Variants in ATP8A1 observed in about 807,000 individuals in gnomAD.
The protein encoded by ATP8A1 is ATPase phospholipid transporting 8A1, also known as phospholipid-transporting ATPase IA.
Under a neutral mutation model 177.7 loss-of-function variants are expected in ATP8A1, and 90 were observed. The ratio of observed to expected loss-of-function variants is 0.51; its 90% CI spans 0.43 to 0.60. ATP8A1 has a LOEUF of 0.60. Ranked by LOEUF, ATP8A1 falls within the 20% of genes least tolerant of loss-of-function variation. ATP8A1 has a pLI of 0.00. For synonymous variants in ATP8A1, 493 were observed against 485.9 expected (o/e 1.01, Z -0.19); for missense variants, 1,072 against 1,392.8 (o/e 0.77, Z 3.67).
intron 1 of ATP8A1, among the ~76,000 whole-genome samples, chr4:42,633,097 A>G (rs1205836128): frequency 6.6e-6 from 1 of 152,200 alleles, no homozygotes; most frequent in African/African-American, 2.4e-5. Context: ...CTCAGTCACG[A>G]AGTGAAATGG....
chr4:42,468,109 A>C (rs1719987790), intron 25 of ATP8A1, among the ~76,000 whole-genome samples: 1 of 152,278 alleles, frequency 6.6e-6, no homozygotes, highest in African/African-American at 2.4e-5. Context: ...TGATCAGGGA[A>C]CACTTCTACA....
intron 5 of ATP8A1, among the ~76,000 whole-genome samples, chr4:42,601,033 C>CTT (rs36117571): frequency 0.18 from 18,050 of 101,594 alleles, 2,544 homozygotes; most frequent in East Asian, 0.26. Context: ...CCCAAATTTT[C>CTT]TTTTTTTTTT....
intron 33 of ATP8A1, among the ~76,000 whole-genome samples, chr4:42,435,881 C>T (rs908563057): frequency 2.6e-5 from 4 of 152,168 alleles, no homozygotes; most frequent in African/African-American, 9.7e-5. Context: ...TTCTGTGTTC[C>T]TCCCGTCACT....
intron 6 of ATP8A1, among the ~76,000 whole-genome samples, chr4:42,592,245 AT>A (rs1734255181): frequency 6.6e-6 from 1 of 152,170 alleles, no homozygotes; most frequent in Non-Finnish European, 1.5e-5. Context: ...TGGAGACCAT[AT>A]TAAGACACAG....
chr4:42,489,776 G>A (rs1722559835), intron 24 of ATP8A1, among the ~76,000 whole-genome samples: 1 of 152,030 alleles, frequency 6.6e-6, no homozygotes, highest in African/African-American at 2.4e-5. Flanking sequence ...CTTATCTCCT[G>A]TAGCTAAGGA....
chr4:42,593,419 G>C (rs942529885), intron 6 of ATP8A1, among the ~76,000 whole-genome samples: 1 of 152,054 alleles, frequency 6.6e-6, no homozygotes, highest in Admixed American at 6.6e-5. Flanking sequence ...ACTACCTGCA[G>C]TTACTTTAAT....
intron 33 of ATP8A1, among the ~76,000 whole-genome samples, chr4:42,435,422 A>G (rs1395369621): frequency 3.1e-5 from 4 of 127,112 alleles, no homozygotes; most frequent in Non-Finnish European, 6.5e-5. Context: ...GCGAGACTTC[A>G]TCTCAAAAAA....
intron 24 of ATP8A1, among the ~76,000 whole-genome samples, chr4:42,494,215 G>A (rs1201713048): frequency 7.1e-6 from 1 of 140,520 alleles, no homozygotes; most frequent in Non-Finnish European, 1.5e-5. Context: ...GCTCATGTCT[G>A]TAATCCCAGC....
intron 19 of ATP8A1, among the ~76,000 whole-genome samples, chr4:42,546,592 A>C (rs1023385297): frequency 7.9e-5 from 12 of 151,738 alleles, no homozygotes; most frequent in Admixed American, 1.3e-4. Context: ...AAAAAAAAAA[A>C]AAACAAAAAA....
chr4:42,498,929 T>C (rs561607682), intron 24 of ATP8A1, among the ~76,000 whole-genome samples: 1 of 152,326 alleles, frequency 6.6e-6, no homozygotes, highest in South Asian at 2.1e-4. Context: ...CAGTTATCCT[T>C]CTAGATTCTT....
At chr4:42,634,664 A>G (rs527869732) in intron 1 of ATP8A1, among the ~76,000 whole-genome samples, 2 of 152,304 alleles carry the variant, frequency 1.3e-5, no homozygotes, top group South Asian at 4.1e-4. Context: ...TTAGCTACCT[A>G]CGCTCTTACA....
At chr4:42,416,252 C>A (rs1332822029) in intron 35 of ATP8A1, among the ~76,000 whole-genome samples, 1 of 152,058 alleles carries the variant, frequency 6.6e-6, no homozygotes, top group Non-Finnish European at 1.5e-5. Context: ...CTTAGCAGAG[C>A]CTTGTGGATG....
intron 24 of ATP8A1, among the ~76,000 whole-genome samples, chr4:42,499,644 G>A (rs1475837656): frequency 1.3e-5 from 2 of 152,148 alleles, no homozygotes; most frequent in African/African-American, 4.8e-5. Flanking sequence ...TCTCCCACAA[G>A]AGGAAACTTA....
chr4:42,423,595 A>G lies in ATP8A1; in HGVS notation c.3212+22T>C, dbSNP rs370413768. ...TGAATATGCATCTATATTTCTCCGT[A>G]TATAACTGAGTATATACTTACACCT... On this transcript the variant is annotated intron_variant, in intron 34 of 36. Transcript: ENST00000381668. 5.3e-4 allele frequency: 814 copies of G among 1,541,030 alleles called. 7 individuals are homozygous for G. The South Asian group carries it at 8.9e-3, about 17-fold the overall frequency.
At chr4:42,478,563 C>G (rs1721327091) in intron 25 of ATP8A1, among the ~76,000 whole-genome samples, 1 of 125,534 alleles carries the variant, frequency 8.0e-6, no homozygotes, top group Admixed American at 7.8e-5. Flanking sequence ...AATACACACA[C>G]AAAAAAAAAA....
chr4:42,650,439 G>A (rs1477571500), intron 1 of ATP8A1, among the ~76,000 whole-genome samples: 2 of 152,118 alleles, frequency 1.3e-5, no homozygotes, highest in Admixed American at 1.3e-4. Flanking sequence ...CACCCATTTA[G>A]CTGGCACACA....
chr4:42,594,556 T>C (rs1334012082), intron 6 of ATP8A1, among the ~76,000 whole-genome samples: 3 of 152,072 alleles, frequency 2.0e-5, no homozygotes, highest in Non-Finnish European at 2.9e-5. Context: ...AAAATGAACA[T>C]TGTATATTGG....
chr4:42,619,329 T>C (rs975095908), intron 4 of ATP8A1, among the ~76,000 whole-genome samples: 2 of 152,202 alleles, frequency 1.3e-5, no homozygotes, highest in African/African-American at 4.8e-5. Flanking sequence ...AACAAGTTTA[T>C]AGCAAAGAGG....
chr4:42,496,259 A>T (rs1723264131), intron 24 of ATP8A1, among the ~76,000 whole-genome samples: 1 of 152,206 alleles, frequency 6.6e-6, no homozygotes, highest in African/African-American at 2.4e-5. Flanking sequence ...GAAAGGAAGG[A>T]AGAGTGGGAT....
Sources: gnomAD v4.1 joint callset for allele counts (sites outside exome capture counted in the v4.1 genomes callset) on GRCh38, gnomAD v4.1.1 for gene constraint, MANE v1.5 for transcripts, NCBI Gene and HGNC (gene_info 2026-07-23, HGNC 2026-07-21) for gene names.